Variants in ERBB2 observed in about 807,000 individuals in gnomAD.
ERBB2 encodes the protein erb-b2 receptor tyrosine kinase 2.
In ERBB2, 61 loss-of-function variants were observed where a neutral mutation model predicts 149.0. The ratio of observed to expected loss-of-function variants is 0.41; its 90% CI spans 0.33 to 0.51. The LOEUF (loss-of-function observed/expected upper bound fraction) is 0.51, where lower values mean the gene tolerates loss of function less well. Among genes scored for constraint, ERBB2 ranks in the 20% least tolerant of loss-of-function variants. ERBB2 has a pLI of 0.25. For synonymous variants in ERBB2, 633 were observed against 678.8 expected, an observed-to-expected ratio of 0.93 and a Z score of 1.05; for missense variants, 1,205 against 1,655.1, an observed-to-expected ratio of 0.73 and a Z score of 4.72.
chr17:39,715,681 G>A (rs989210164), intron 11 of ERBB2, 59 bp from the exon 12 acceptor site: 14 of 1,589,380 alleles, frequency 8.8e-6, no homozygotes, highest in South Asian at 2.2e-5. Flanking sequence ...AGGAAGATGA[G>A]AATAGCCTTT....
chr17:39,701,898 T>C lies in ERBB2; in HGVS notation c.73+1587T>C, dbSNP rs113086243. On this transcript the variant is annotated intron_variant, in intron 1 of 26. Transcript: ENST00000269571. ...CCCAGACAAGCATCTTCACCTCTCA[T>C]CTTCTGATGAGAAGGGTGAGGCCAT... Among the ~76,000 whole-genome samples the C allele has an allele frequency of 7.5e-3, 1,147 of 152,222 alleles. 9 individuals are homozygous for C. The highest frequency in any genetic ancestry group is 0.026 in the African/African-American group (1,076 of 41,512).
chr17:39,708,312 C>G lies in ERBB2; in HGVS notation c.226-9C>G, dbSNP rs768943358. 1 of 1,609,362 alleles carries G rather than the reference C, an allele frequency of 6.2e-7. No homozygotes were observed. The highest frequency in any genetic ancestry group is 8.5e-7 in the Non-Finnish European group (1 of 1,176,120). ...CCTATTTCAGCCCCACTCTGCTTCC[C>G]CCTCCCAGGATATCCAGGAGGTGCA... is the stretch of plus-strand genomic sequence containing the variant. On this transcript the variant is annotated splice_polypyrimidine_tract_variant and intron_variant, in intron 2 of 26. Coordinates refer to ENST00000269571, the MANE Select transcript of ERBB2 (RefSeq NM_004448.4).
intron 16 of ERBB2, 85 bp downstream of exon 16, chr17:39,719,919 C>A (rs2145753421): frequency 7.7e-7 from 1 of 1,295,010 alleles, no homozygotes; most frequent in South Asian, 1.2e-5. Flanking sequence ...GGGAGGGGAC[C>A]CCCTGACATA....
upstream of ERBB2, among the ~76,000 whole-genome samples, chr17:39,693,486 G>GT (rs1395553509): frequency 6.6e-6 from 1 of 151,784 alleles, no homozygotes; most frequent in African/African-American, 2.4e-5. Context: ...TAGACTATTA[G>GT]TTTTTTTTGT....
chr17:39,712,084 C>T, intron 8 of ERBB2, 37 bp downstream of exon 8: 1 of 1,613,372 alleles, frequency 6.2e-7, no homozygotes, highest in Non-Finnish European at 8.5e-7. Flanking sequence ...GCTGCAGTTC[C>T]TGTCCCTCTG....
intron 14 of ERBB2, chr17:39,717,036 G>T: frequency 2.2e-6 from 1 of 460,632 alleles, no homozygotes; most frequent in Non-Finnish European, 3.9e-6. Flanking sequence ...CTACAGAGCA[G>T]TGACTGTTGT....
Position 39,716,437 on chromosome 17 carries a change from TGA to T in ERBB2, c.1646+6_1646+7del, listed in dbSNP as rs1181564542. 1 of 1,612,574 alleles carries T rather than the reference TGA, an allele frequency of 6.2e-7. No homozygotes were observed. Among genetic ancestry groups the T allele is most frequent in the African/African-American group, 1.3e-5 (1 of 75,018 alleles). Reference sequence around the variant, plus strand: ...AGGAATGCCGAGTACTGCAGGGGTATGAGGGGCGGAGGAGAGGGTGGCTGGAG... The same window carrying T: ...AGGAATGCCGAGTACTGCAGGGGTATGGGGCGGAGGAGAGGGTGGCTGGAG... On this transcript the variant is annotated splice_donor_5th_base_variant and intron_variant, in intron 13 of 26. Coordinates refer to ENST00000269571, the MANE Select transcript of ERBB2 (RefSeq NM_004448.4).
rs377013455 is a variant in ERBB2, at chr17:39,717,146, G to A, written c.1738-174G>A. 5 of 538,676 alleles carry A rather than the reference G, an allele frequency of 9.3e-6. No homozygotes were observed. In the South Asian group the frequency reaches 9.8e-5, roughly 11 times the overall value. The allele number at this position is 538,676 out of a possible 1,614,324, so 33.4% of individuals were successfully genotyped here. Reference sequence around the variant, plus strand: ...AGGATCAAGCTTGGAGGAGGGCCCCGAGGGAGGGGCCACAGAGACTGGGTG... The same window carrying A: ...AGGATCAAGCTTGGAGGAGGGCCCCAAGGGAGGGGCCACAGAGACTGGGTG... On this transcript the variant is annotated intron_variant, in intron 14 of 26. Coordinates refer to ENST00000269571, the MANE Select transcript of ERBB2 (RefSeq NM_004448.4).
rs1188524654 is a variant in ERBB2, at chr17:39,728,058, G to A, written c.*14G>A. 2 of 1,544,796 alleles carry A rather than the reference G, an allele frequency of 1.3e-6. No homozygotes were observed. The highest frequency in any genetic ancestry group is 1.4e-5 in the African/African-American group (1 of 73,682). On this transcript the variant is annotated 3_prime_UTR_variant, in exon 27 of 27. Coordinates refer to ENST00000269571, the MANE Select transcript of ERBB2 (RefSeq NM_004448.4). ...GTGCCAGTGTGAACCAGAAGGCCAA[G>A]TCCGCAGAAGCCCTGATGTGTCCTC...
At chr17:39,694,314 T>TAC (rs1160819477), upstream of ERBB2, among the ~76,000 whole-genome samples, 4 of 102,726 alleles carry the variant, frequency 3.9e-5, no homozygotes, top group Admixed American at 4.3e-4. Context: ...TATATATATA[T>TAC]ACACACACAC....
Position 39,727,370 on chromosome 17 carries a change from G to A in ERBB2, c.3235G>A (p.Glu1079Lys), listed in dbSNP as rs1038581447. The A allele has an allele frequency of 8.1e-6, 13 of 1,610,890 alleles. No homozygotes were observed. Among genetic ancestry groups the A allele is most frequent in the African/African-American group, 4.0e-5 (3 of 74,700 alleles). ...CCCCAGGTCTCCACTGGCACCCTCC[G>A]AAGGGGCTGGCTCCGATGTATTTGA... ...EAPRSPLAPS[E>K]GAGSDVFDGD... Residue 1079 changes from glutamate to lysine, a missense_variant, in exon 26 of 27, where the codon GAA becomes AAA. Coordinates refer to ENST00000269571, the MANE Select transcript of ERBB2 (RefSeq NM_004448.4). This position sits in a 1 kb window ranked among gnomAD's most constrained non-coding sequence, Gnocchi z 4.3.
chr17:39,713,671 T>G (rs1452942069), intron 9 of ERBB2, among the ~76,000 whole-genome samples: 1 of 150,986 alleles, frequency 6.6e-6, no homozygotes, highest in Non-Finnish European at 1.5e-5. Context: ...GAGAATTGCA[T>G]GAACTCGGGA....
chr17:39,690,112 C>T (rs796909530), upstream of ERBB2, among the ~76,000 whole-genome samples: 43 of 152,158 alleles, frequency 2.8e-4, no homozygotes, highest in African/African-American at 9.6e-4. Flanking sequence ...CCCAGACAGC[C>T]TCTCACTCTT....
In ERBB2 at chr17:39,724,797, G is replaced by C. The variant is rs186232310; in HGVS notation, c.2379G>C (p.Thr793=). The C allele has an allele frequency of 1.7e-5, 27 of 1,614,050 alleles. No homozygotes were observed. Among genetic ancestry groups the C allele is most frequent in the Non-Finnish European group, 2.3e-5 (27 of 1,180,044 alleles). The change falls in exon 20 of 27, where the codon ACG becomes ACC. Residue 793 remains threonine, a synonymous_variant. Transcript: ENST00000269571. ...SRLLGICLTS[T]VQLVTQLMPY... is the part of the protein sequence containing the mutation. ...TTCTGGGCATCTGCCTGACATCCAC[G>C]GTGCAGCTGGTGACACAGCTTATGC...
intron 3 of ERBB2, 184 bp from the exon 4 acceptor site, chr17:39,709,134 T>G: frequency 9.0e-6 from 6 of 670,042 alleles, no homozygotes; most frequent in East Asian, 2.6e-5. Flanking sequence ...GGCTCTCGCT[T>G]TGTTCTTGTT....
intron 1 of ERBB2, among the ~76,000 whole-genome samples, chr17:39,700,561 A>C (rs907307880): frequency 6.6e-6 from 1 of 152,154 alleles, no homozygotes; most frequent in Admixed American, 6.5e-5. Flanking sequence ...GGGCTCCGGG[A>C]ACTTGTCAAA....
exon 1 of ERBB2, chr17:39,688,226 A>T (rs888522675): frequency 9.7e-6 from 4 of 413,776 alleles, no homozygotes; most frequent in African/African-American, 8.2e-5. Flanking sequence ...GGGAAGGCGG[A>T]CGCCTGATGG....
At chr17:39,700,389 G>T in intron 1 of ERBB2, 78 bp downstream of exon 1, 1 of 1,191,320 alleles carries the variant, frequency 8.4e-7, no homozygotes, top group South Asian at 3.1e-5. Flanking sequence ...CCCGCGGCCG[G>T]CGGGGCCAGA....
At chr17:39,696,169 C>T (rs1301721207), upstream of ERBB2, among the ~76,000 whole-genome samples, 2 of 152,212 alleles carry the variant, frequency 1.3e-5, no homozygotes, top group South Asian at 4.1e-4. Flanking sequence ...AGCGCCCACC[C>T]CTGCCCCCCT....
Sources: allele counts gnomAD v4.1 joint callset (sites outside exome capture counted in the v4.1 genomes callset), GRCh38; gene constraint gnomAD v4.1.1; non-coding constraint Gnocchi (gnomAD v3.1); transcripts MANE v1.5; gene names NCBI Gene and HGNC (gene_info 2026-07-23, HGNC 2026-07-21).